LRRTM4: variants seen among roughly 807,000 people sequenced by gnomAD.
LRRTM4 encodes leucine-rich repeat transmembrane neuronal protein 4.
Under a neutral mutation model 47.6 loss-of-function variants are expected in LRRTM4, and 25 were observed. That is an observed-to-expected ratio of 0.53 (90% CI 0.38 to 0.73). The LOEUF (loss-of-function observed/expected upper bound fraction) is 0.73, where lower values mean the gene tolerates loss of function less well. Among genes scored for constraint, LRRTM4 ranks in the 30% least tolerant of loss-of-function variants. The pLI is 0.00. For synonymous variants in LRRTM4, 311 were observed against 269.5 expected (o/e 1.15, Z -1.51); for missense variants, 638 against 713.4 (o/e 0.89, Z 1.20).
intron 3 of LRRTM4, among the ~76,000 whole-genome samples, chr2:76,820,211 C>T (rs957302874): frequency 2.0e-5 from 3 of 151,848 alleles, no homozygotes; most frequent in South Asian, 2.1e-4. Context: ...TGCATGACTA[C>T]TCTTTCAGTC....
intron 3 of LRRTM4, among the ~76,000 whole-genome samples, chr2:77,154,382 T>A (rs191861266): frequency 6.6e-6 from 1 of 152,242 alleles, no homozygotes; most frequent in Non-Finnish European, 1.5e-5. Context: ...TCACAAGGAA[T>A]CAAATAATGC....
At position 77,249,264 on chromosome 2, in the gene LRRTM4, T is replaced by C. The variant is rs546096257; in HGVS notation, c.1551+269054A>G. On this transcript the variant is annotated intron_variant, in intron 3 of 3. Transcript: ENST00000409884. ...ACTCAGGAAGCTAAGGCAGGAGAAT[T>C]GCTTGAACCTGGGAGGCAGAGGTTG... Among the ~76,000 whole-genome samples the C allele has an allele frequency of 6.7e-4, 102 of 151,992 alleles. 1 individual carries two copies. Among genetic ancestry groups the C allele is most frequent in the Non-Finnish European group, 1.0e-3 (70 of 67,938 alleles).
rs1674151874 is a variant in LRRTM4 at position 76,913,778 on chromosome 2, A to G, written c.1552-164862T>C. Among the ~76,000 whole-genome samples the G allele has an allele frequency of 9.2e-5, 14 of 152,022 alleles. No individual in the cohort carries two copies. In the South Asian group the frequency reaches 2.9e-3, roughly 32 times the overall value. On this transcript the variant is annotated intron_variant, in intron 3 of 3. Coordinates refer to ENST00000409884, the MANE Select transcript of LRRTM4 (RefSeq NM_001134745.3). The stretch of plus-strand genomic sequence containing the variant: ...GGTCTCAAATTCCTGGCCTCAAGTG[A>G]TCCATCCATCTTGGCCTCCCAAAGT...
At chr2:77,500,082 C>G (rs1678514771) in intron 3 of LRRTM4, among the ~76,000 whole-genome samples, 1 of 151,692 alleles carries the variant, frequency 6.6e-6, no homozygotes, top group African/African-American at 2.4e-5. Context: ...AGTATAGCTG[C>G]CGGGCCACTT....
intron 3 of LRRTM4, among the ~76,000 whole-genome samples, chr2:76,809,331 T>G (rs1670657433): frequency 6.6e-6 from 1 of 152,186 alleles, no homozygotes; most frequent in Non-Finnish European, 1.5e-5. Context: ...GTGTGGACTT[T>G]GATGTTTGCA....
intron 3 of LRRTM4, among the ~76,000 whole-genome samples, chr2:76,933,002 T>C (rs1245405380): frequency 1.3e-5 from 2 of 152,132 alleles, no homozygotes; most frequent in Non-Finnish European, 2.9e-5. Flanking sequence ...TTGGTTGAAG[T>C]TCACATAGAA....
chr2:77,162,004 G>A lies in LRRTM4; in HGVS notation c.1551+356314C>T, dbSNP rs146132582. On this transcript the variant is annotated intron_variant, in intron 3 of 3. Coordinates refer to ENST00000409884, the MANE Select transcript of LRRTM4 (RefSeq NM_001134745.3). ...TTTCTGCATTTGCAATTGAGGTACC[G>A]GGTTCATCTCACTGAGGCTTGTCAG... 1.5e-3 allele frequency among the ~76,000 whole-genome samples: 234 copies of A among 152,212 alleles called. 1 individual carries two copies. Among genetic ancestry groups the A allele is most frequent in the Middle Eastern group, 6.8e-3 (2 of 292 alleles).
chr2:77,390,210 C>T (rs1445977685), intron 3 of LRRTM4, among the ~76,000 whole-genome samples: 1 of 151,990 alleles, frequency 6.6e-6, no homozygotes, highest in Non-Finnish European at 1.5e-5. Context: ...TAACTGAGTG[C>T]TGAAAAAATG....
At chr2:77,173,009 C>G (rs1436672443) in intron 3 of LRRTM4, among the ~76,000 whole-genome samples, 3 of 152,172 alleles carry the variant, frequency 2.0e-5, no homozygotes, top group Non-Finnish European at 4.4e-5. Flanking sequence ...TTCTCAATGT[C>G]TCAGTAAAGC....
At chr2:77,095,256 T>C (rs1475122573) in intron 3 of LRRTM4, among the ~76,000 whole-genome samples, 1 of 152,094 alleles carries the variant, frequency 6.6e-6, no homozygotes, top group Non-Finnish European at 1.5e-5. Context: ...AGACAAATGA[T>C]AGCAAGTTTT....
At chr2:77,023,812 G>T (rs1033894831) in intron 3 of LRRTM4, among the ~76,000 whole-genome samples, 4 of 152,142 alleles carry the variant, frequency 2.6e-5, no homozygotes, top group Non-Finnish European at 5.9e-5. Flanking sequence ...CCTCCAAACT[G>T]TTCCAACCTC....
intron 3 of LRRTM4, among the ~76,000 whole-genome samples, chr2:76,767,778 C>T (rs1003655869): frequency 6.6e-6 from 1 of 152,082 alleles, no homozygotes; most frequent in East Asian, 1.9e-4. Context: ...TTTTTACATG[C>T]CTCTTCACAT....
At chr2:77,474,857 T>C (rs1424384215) in intron 3 of LRRTM4, among the ~76,000 whole-genome samples, 1 of 152,108 alleles carries the variant, frequency 6.6e-6, no homozygotes, top group Non-Finnish European at 1.5e-5. Context: ...AATGTTCAAA[T>C]GACACATGCC....
At chr2:77,050,210 T>A (rs1679384930) in intron 3 of LRRTM4, among the ~76,000 whole-genome samples, 1 of 151,386 alleles carries the variant, frequency 6.6e-6, no homozygotes, top group African/African-American at 2.4e-5. Context: ...TCTGGGATTC[T>A]GGCATTTCTT....
chr2:76,761,312 A>T (rs1168173823), intron 3 of LRRTM4, among the ~76,000 whole-genome samples: 1 of 152,166 alleles, frequency 6.6e-6, no homozygotes, highest in Non-Finnish European at 1.5e-5. Flanking sequence ...ACCACTAATT[A>T]TTCTGTATCA....
chr2:76,773,240 A>G (rs1673792132), intron 3 of LRRTM4, among the ~76,000 whole-genome samples: 1 of 152,256 alleles, frequency 6.6e-6, no homozygotes, highest in Non-Finnish European at 1.5e-5. Context: ...TAGCAAACCC[A>G]GATGGCCTAA....
At chr2:77,332,299 T>A (rs1671001232) in intron 3 of LRRTM4, among the ~76,000 whole-genome samples, 1 of 152,148 alleles carries the variant, frequency 6.6e-6, no homozygotes, top group Non-Finnish European at 1.5e-5. Context: ...AAAAGGCAAT[T>A]GGTTGGGTAT....
chr2:76,881,691 G>C (rs1343899129), intron 3 of LRRTM4, among the ~76,000 whole-genome samples: 2 of 151,390 alleles, frequency 1.3e-5, no homozygotes, highest in Admixed American at 6.6e-5. Flanking sequence ...TTTAGTTTCT[G>C]TTAGCTAAGA....
intron 3 of LRRTM4, among the ~76,000 whole-genome samples, chr2:76,887,842 T>G (rs1444803459): frequency 6.6e-6 from 1 of 151,144 alleles, no homozygotes; most frequent in Non-Finnish European, 1.5e-5. Flanking sequence ...TACTACTTAC[T>G]GGATGTCAAA....
Sources: gnomAD v4.1 joint callset for allele counts (sites outside exome capture counted in the v4.1 genomes callset) on GRCh38, gnomAD v4.1.1 for gene constraint, MANE v1.5 for transcripts, NCBI Gene and HGNC (gene_info 2026-07-23, HGNC 2026-07-21) for gene names.